The following H2BC5 variants were observed in gnomAD, a reference collection of about 807,000 sequenced individuals.
The protein encoded by H2BC5 is H2B clustered histone 5, also known as histone H2B type 1-D.
H2BC5 carries 9 observed loss-of-function variants against 5.7 expected under a neutral mutation model. The observed-to-expected ratio is 1.57, with a 90% CI of 0.95 to 2.74. H2BC5 has a LOEUF of 2.74. Among genes scored for constraint, H2BC5 ranks in the 30% most tolerant of loss-of-function variants. The pLI, the probability that H2BC5 is intolerant of heterozygous loss-of-function variation, is 0.00. For synonymous variants in H2BC5, 133 were observed against 70.9 expected, an observed-to-expected ratio of 1.88 and a Z score of -4.40; for missense variants, 175 against 168.8, an observed-to-expected ratio of 1.04 and a Z score of -0.20.
chr6:26,159,815 GATAA>G (rs2113833243), downstream of H2BC5, among the ~76,000 whole-genome samples: 1 of 152,268 alleles, frequency 6.6e-6, no homozygotes, highest in East Asian at 1.9e-4. Flanking sequence ...TACTTGGACG[GATAA>G]ATAAAAGCCT....
chr6:26,167,887 A>T (rs1764456859), intron 1 of H2BC5, among the ~76,000 whole-genome samples: 2 of 151,402 alleles, frequency 1.3e-5, no homozygotes, highest in East Asian at 1.9e-4. Context: ...TTATTTATTT[A>T]TTTATTTTTA....
At chr6:26,159,319 TAGTC>T (rs1764313513), downstream of H2BC5, among the ~76,000 whole-genome samples, 1 of 118,934 alleles carries the variant, frequency 8.4e-6, no homozygotes, top group Non-Finnish European at 1.6e-5. Flanking sequence ...AGAAACCAAA[TAGTC>T]AATCATTAAG....
chr6:26,166,271 A>G (rs919670279), intron 1 of H2BC5, among the ~76,000 whole-genome samples: 5 of 152,138 alleles, frequency 3.3e-5, no homozygotes, highest in African/African-American at 1.2e-4. Flanking sequence ...AGTGGTTAGT[A>G]TGTGGGAAGC....
chr6:26,166,297 T>C (rs1299896135), intron 1 of H2BC5, among the ~76,000 whole-genome samples: 1 of 152,232 alleles, frequency 6.6e-6, no homozygotes, highest in Non-Finnish European at 1.5e-5. Flanking sequence ...TCAGTTCCTA[T>C]GACCCATGTC....
chr6:26,159,438 T>C (rs1046819589), downstream of H2BC5, among the ~76,000 whole-genome samples: 2 of 151,176 alleles, frequency 1.3e-5, no homozygotes, highest in Non-Finnish European at 2.9e-5. Flanking sequence ...CTGGAGGAGG[T>C]AGAAAGGGAA....
At chr6:26,158,650 G>A (rs1029380034), downstream of H2BC5, 6 of 1,529,262 alleles carry the variant, frequency 3.9e-6, no homozygotes, top group African/African-American at 2.8e-5. Context: ...TCAAAAGGGG[G>A]GTTATTGGAC....
At chr6:26,162,886 T>G (rs1022926877), downstream of H2BC5, among the ~76,000 whole-genome samples, 1 of 152,146 alleles carries the variant, frequency 6.6e-6, no homozygotes, top group Non-Finnish European at 1.5e-5. Flanking sequence ...TTAGGTATGA[T>G]TTATGAATTT....
In H2BC5 at chr6:26,158,307, G is replaced by GA; in HGVS notation, c.140dup (p.Gln48AlafsTer90). 1 of 1,614,262 alleles carries GA rather than the reference G, an allele frequency of 6.2e-7. No individual in the cohort carries two copies. Among genetic ancestry groups the GA allele is most frequent in the East Asian group, 2.2e-5 (1 of 44,888 alleles). Reference sequence around the variant, plus strand: ...ATTCAGTGTATGTGTACAAGGTGCTGAAGCAGGTCCATCCCGACACCGGCA... The same window carrying GA: ...ATTCAGTGTATGTGTACAAGGTGCTGAAAGCAGGTCCATCCCGACACCGGCA... On this transcript the variant is annotated frameshift_variant, in exon 1 of 1. Coordinates refer to ENST00000377777, the MANE Select transcript of H2BC5 (RefSeq NM_021063.4). LOFTEE classifies it high-confidence loss of function.
At chr6:26,168,351 G>C (rs1468923276) in intron 1 of H2BC5, among the ~76,000 whole-genome samples, 2 of 151,934 alleles carry the variant, frequency 1.3e-5, no homozygotes, top group African/African-American at 4.8e-5. Flanking sequence ...CTAGCTAGTT[G>C]GGAGGCTGAA....
chr6:26,162,055 T>C (rs146322568), downstream of H2BC5, among the ~76,000 whole-genome samples: 1 of 152,332 alleles, frequency 6.6e-6, no homozygotes, highest in East Asian at 1.9e-4. Context: ...GGAGTCACTA[T>C]GTGTGCTGTG....
At chr6:26,169,757 C>T (rs1764490092) in intron 1 of H2BC5, among the ~76,000 whole-genome samples, 1 of 151,682 alleles carries the variant, frequency 6.6e-6, no homozygotes, top group Admixed American at 6.6e-5. Flanking sequence ...TCAGGAGTTC[C>T]AGACCAGCCT....
At chr6:26,170,449 A>G (rs1764500700) in intron 1 of H2BC5, among the ~76,000 whole-genome samples, 1 of 152,216 alleles carries the variant, frequency 6.6e-6, no homozygotes, top group Non-Finnish European at 1.5e-5. Flanking sequence ...AGAGGCCACT[A>G]CTGAGTTGTC....
At chr6:26,167,668 C>G (rs1289993795) in intron 1 of H2BC5, among the ~76,000 whole-genome samples, 1 of 151,938 alleles carries the variant, frequency 6.6e-6, no homozygotes, top group Non-Finnish European at 1.5e-5. Flanking sequence ...TTATCTGGTA[C>G]CCTCCTGAAT....
At chr6:26,169,042 A>G (rs140058581) in intron 1 of H2BC5, among the ~76,000 whole-genome samples, 5,758 of 152,266 alleles carry the variant, frequency 0.038, 121 homozygotes, top group African/African-American at 0.04. Flanking sequence ...TAAAAATGGA[A>G]AAAACAAATT....
intron 1 of H2BC5, among the ~76,000 whole-genome samples, chr6:26,163,898 C>G (rs988766189): frequency 2.0e-5 from 3 of 152,144 alleles, no homozygotes; most frequent in Non-Finnish European, 4.4e-5. Context: ...GCCTCAGACT[C>G]CCAAGTAGCT....
At chr6:26,160,761 C>T (rs1048490900), downstream of H2BC5, 1 of 151,274 alleles carries the variant, frequency 6.6e-6, no homozygotes, top group African/African-American at 2.4e-5. Context: ...CCCAGCTACT[C>T]AGGAGGATGA....
intron 1 of H2BC5, among the ~76,000 whole-genome samples, chr6:26,168,283 AC>A (rs1764464654): frequency 6.6e-6 from 1 of 152,038 alleles, no homozygotes; most frequent in Non-Finnish European, 1.5e-5. Flanking sequence ...ACATGGAGAA[AC>A]CCCGTCTCTA....
At chr6:26,163,755 C>T (rs1007113016) in intron 1 of H2BC5, 1 of 154,048 alleles carries the variant, frequency 6.5e-6, no homozygotes, top group Admixed American at 6.5e-5. Context: ...GAAACTTACA[C>T]ACTTCTGCCA....
chr6:26,164,696 C>T (rs1561970075), intron 1 of H2BC5, among the ~76,000 whole-genome samples: 1 of 152,040 alleles, frequency 6.6e-6, no homozygotes, highest in Non-Finnish European at 1.5e-5. Flanking sequence ...CTGGTCCCCA[C>T]ACCTAACATC....
Sources: allele counts gnomAD v4.1 joint callset (sites outside exome capture counted in the v4.1 genomes callset), GRCh38; gene constraint gnomAD v4.1.1; transcripts MANE v1.5; gene names NCBI Gene and HGNC (gene_info 2026-07-23, HGNC 2026-07-21).